RANGAP1: variants seen among roughly 807,000 people sequenced by gnomAD.
RANGAP1 encodes the protein ran GTPase-activating protein 1.
In RANGAP1, 38 loss-of-function variants were observed where a neutral mutation model predicts 63.5. The ratio of observed to expected loss-of-function variants is 0.60; its 90% CI spans 0.46 to 0.78. RANGAP1 has a LOEUF of 0.78. RANGAP1 is among the 30% of genes least tolerant of loss of function. The probability of loss-of-function intolerance (pLI) is 0.00; values close to 1 mark genes in which losing one functional copy is unlikely to be tolerated. For synonymous variants in RANGAP1, 329 were observed against 310.5 expected (o/e 1.06, Z -0.63); for missense variants, 630 against 740.3 (o/e 0.85, Z 1.73).
intron 6 of RANGAP1, among the ~76,000 whole-genome samples, chr22:41,259,411 C>T (rs1407045192): frequency 6.6e-6 from 1 of 152,138 alleles, no homozygotes; most frequent in African/African-American, 2.4e-5. Context: ...GCCCCTGGGT[C>T]CCCTCCTCAA....
At chr22:41,261,813 T>C (rs1055667829) in intron 5 of RANGAP1, among the ~76,000 whole-genome samples, 1 of 152,172 alleles carries the variant, frequency 6.6e-6, no homozygotes, top group African/African-American at 2.4e-5. Flanking sequence ...TTAGCTTCAC[T>C]TTCGAGACGG....
At position 41,256,236 on chromosome 22, in the gene RANGAP1, C is replaced by T. The variant is rs747713626; in HGVS notation, c.943G>A (p.Glu315Lys). 5 of 1,614,166 alleles carry T rather than the reference C, an allele frequency of 3.1e-6. No homozygotes were observed. The highest frequency in any genetic ancestry group is 1.1e-5 in the South Asian group (1 of 91,080). Residue 315 changes from glutamate to lysine, a missense_variant, in exon 9 of 16, where the codon GAG becomes AAG. Glu to Lys is a moderately conservative substitution (Grantham distance 56, BLOSUM62 1). Coordinates refer to ENST00000356244, the MANE Select transcript of RANGAP1 (RefSeq NM_002883.4). The stretch of plus-strand genomic sequence containing the variant: ...AGCTCAGCTTTGTCTGCCATGGCCT[C>T]AGCAACAGCCAGGGCAGCATCCCTC... Reference protein sequence around the residue: ...IKRDAALAVAEAMADKAELEK... With the variant: ...IKRDAALAVAKAMADKAELEK...
the RANGAP1 span, among the ~76,000 whole-genome samples, chr22:41,297,697 T>C: frequency 2.7e-5 from 4 of 146,428 alleles, no homozygotes; most frequent in Non-Finnish European, 4.5e-5. Context: ...TTTTTTTTTT[T>C]TTTTTTTTTT....
rs939021184 is a variant in RANGAP1, at chr22:41,254,210, G to A, written c.1260+98C>T. Reference sequence around the variant, plus strand: ...TCAAAAAAAAATGTTTGTGGCTACTGTGCTTAAGGAGACACCCCCTACCCC... The same window carrying A: ...TCAAAAAAAAATGTTTGTGGCTACTATGCTTAAGGAGACACCCCCTACCCC... On this transcript the variant is annotated intron_variant, in intron 11 of 15. Transcript: ENST00000356244. The A allele has an allele frequency of 3.0e-6, 4 of 1,339,672 alleles. No individual in the cohort carries two copies. The Admixed American group carries it at 6.3e-5, about 21-fold the overall frequency. 83.0% of individuals were successfully genotyped at this position (1,339,672 alleles called of 1,614,324 possible).
the RANGAP1 span, among the ~76,000 whole-genome samples, chr22:41,293,760 C>CAAA: frequency 1.1e-4 from 6 of 54,756 alleles, no homozygotes; most frequent in African/African-American, 2.3e-4. Context: ...GACTCTGTCT[C>CAAA]AAAAAAAAAA....
the RANGAP1 span, among the ~76,000 whole-genome samples, chr22:41,294,474 C>A: frequency 7.0e-3 from 1,062 of 150,840 alleles, 5 homozygotes; most frequent in Non-Finnish European, 1.0e-2. Context: ...CGGCCGCCAC[C>A]CCGTCTGGGA....
In RANGAP1 at chr22:41,257,942, C is replaced by T. The variant is rs138063691; in HGVS notation, c.774+6G>A. 1,201 of 1,595,508 alleles carry T rather than the reference C, an allele frequency of 7.5e-4. 12 individuals carry two copies. In the African/African-American group the frequency reaches 0.014, roughly 19 times the overall value. ...GGCCCAACTGGCTCTGCCACACTCG[C>T]CTCACCTCGGCCATGGCCACGGCGC... On this transcript the variant is annotated splice_donor_region_variant and intron_variant, in intron 7 of 15. Coordinates refer to ENST00000356244, the MANE Select transcript of RANGAP1 (RefSeq NM_002883.4). The surrounding 1 kb of genome is among the most constrained non-coding windows in gnomAD (Gnocchi z 4.0).
At chr22:41,293,342 T>C in the RANGAP1 span, among the ~76,000 whole-genome samples, 1 of 151,376 alleles carries the variant, frequency 6.6e-6, no homozygotes, top group Non-Finnish European at 1.5e-5. Context: ...AGCCCAGGAG[T>C]TGAAGGCTGA....
chr22:41,280,539 G>A (rs1338154344), intron 2 of RANGAP1: 2 of 685,914 alleles, frequency 2.9e-6, no homozygotes, highest in East Asian at 6.6e-5. Flanking sequence ...CAGAGCCTCA[G>A]CTCTGGGGAA....
chr22:41,299,334 G>A, the RANGAP1 span, among the ~76,000 whole-genome samples: 1 of 151,876 alleles, frequency 6.6e-6, no homozygotes. Flanking sequence ...GGGTTTCACC[G>A]TGTTAGCTGG....
chr22:41,261,345 T>C (rs566882051), intron 6 of RANGAP1, 101 bp downstream of exon 6: 69 of 1,543,008 alleles, frequency 4.5e-5, no homozygotes, highest in Non-Finnish European at 5.4e-5. Context: ...CCCAGGTCTC[T>C]TGGTTGAGTG....
chr22:41,266,746 C>A (rs1276578089), intron 4 of RANGAP1, among the ~76,000 whole-genome samples: 1 of 152,218 alleles, frequency 6.6e-6, no homozygotes, highest in Non-Finnish European at 1.5e-5. Context: ...GTTGGCCAGG[C>A]TGGTCTCCAA....
At chr22:41,268,506 T>C (rs996839116) in intron 3 of RANGAP1, among the ~76,000 whole-genome samples, 2 of 151,892 alleles carry the variant, frequency 1.3e-5, no homozygotes, top group African/African-American at 4.8e-5. Flanking sequence ...CTGCCCACCT[T>C]GGTCTCCCAA....
At chr22:41,277,610 T>C (rs1374578542) in intron 2 of RANGAP1, 27 of 766,226 alleles carry the variant, frequency 3.5e-5, no homozygotes, top group South Asian at 2.0e-5. Flanking sequence ...AAAGGACTTA[T>C]AACCTAGCAG....
At chr22:41,263,364 A>G (rs1171499661) in intron 5 of RANGAP1, among the ~76,000 whole-genome samples, 1 of 151,968 alleles carries the variant, frequency 6.6e-6, no homozygotes, top group Non-Finnish European at 1.5e-5. Flanking sequence ...AAACGTTTTT[A>G]TATGTTTCTG....
chr22:41,256,110 T>C lies in RANGAP1; in HGVS notation c.989-5A>G, dbSNP rs575164782. The C allele has an allele frequency of 2.5e-5, 40 of 1,614,052 alleles. 1 individual carries two copies. In the South Asian group the frequency reaches 4.4e-4, roughly 18 times the overall value. On this transcript the variant is annotated splice_polypyrimidine_tract_variant and splice_region_variant and intron_variant, in intron 9 of 15. Coordinates refer to ENST00000356244, the MANE Select transcript of RANGAP1 (RefSeq NM_002883.4). Reference sequence around the variant, plus strand: ...CTTCTTCTCCCAGGGTGTTGCCTGCTCAAGGGGAGGGAAGAGCAGTCAGCC... The same window carrying C: ...CTTCTTCTCCCAGGGTGTTGCCTGCCCAAGGGGAGGGAAGAGCAGTCAGCC...
At chr22:41,284,082 C>A (rs1187104918) in intron 1 of RANGAP1, among the ~76,000 whole-genome samples, 5 of 151,716 alleles carry the variant, frequency 3.3e-5, no homozygotes. Flanking sequence ...CCCGTCTCCA[C>A]TAAAAATACA....
In RANGAP1 at chr22:41,245,566, C is replaced by A. The variant is rs6002298; in HGVS notation, c.*1037G>T. On this transcript the variant is annotated 3_prime_UTR_variant, in exon 16 of 16. Transcript: ENST00000356244. ...TGCCGAGGTGGGACTCCACGTACAACGGCCCCCGAGACTATCCCGCTTTCA... is the reference window on the plus strand; with the variant it reads ...TGCCGAGGTGGGACTCCACGTACAAAGGCCCCCGAGACTATCCCGCTTTCA... 1 of 152,236 alleles carries A rather than the reference C, an allele frequency of 6.6e-6. No individual in the cohort carries two copies. Among genetic ancestry groups the A allele is most frequent in the African/African-American group, 2.4e-5 (1 of 41,448 alleles). The allele number at this position is 152,236 out of a possible 1,614,324, so 9.4% of individuals were successfully genotyped here. A position where few individuals can be genotyped will look rare whatever the true frequency, so the allele number is the denominator to read the frequency against.
intron 15 of RANGAP1, among the ~76,000 whole-genome samples, chr22:41,247,550 G>A (rs1262480993): frequency 6.6e-6 from 1 of 152,022 alleles, no homozygotes; most frequent in Non-Finnish European, 1.5e-5. Context: ...GGGGTTTCAC[G>A]AATGTTGCCC....
Sources: allele counts gnomAD v4.1 joint callset (sites outside exome capture counted in the v4.1 genomes callset), GRCh38; gene constraint gnomAD v4.1.1; non-coding constraint Gnocchi (gnomAD v3.1); transcripts MANE v1.5; gene names NCBI Gene and HGNC (gene_info 2026-07-23, HGNC 2026-07-21).